NUTM1: variants seen among roughly 807,000 people sequenced by gnomAD.
NUTM1 encodes NUT midline carcinoma family member 1.
NUTM1 carries 39 observed loss-of-function variants against 88.7 expected under a neutral mutation model. The ratio of observed to expected loss-of-function variants is 0.44; its 90% CI spans 0.34 to 0.57. The LOEUF is 0.57. NUTM1 is among the 20% of genes least tolerant of loss of function. The probability of loss-of-function intolerance (pLI) is 0.01; values close to 1 mark genes in which losing one functional copy is unlikely to be tolerated. For synonymous variants in NUTM1, 494 were observed against 538.0 expected, an observed-to-expected ratio of 0.92 and a Z score of 1.13; for missense variants, 1,350 against 1,414.5, an observed-to-expected ratio of 0.95 and a Z score of 0.73.
At position 34,347,282 on chromosome 15, in the gene NUTM1, G is replaced by C. The variant is rs553768000; in HGVS notation, c.101-687G>C. 2.2e-3 allele frequency among the ~76,000 whole-genome samples: 327 copies of C among 149,356 alleles called. 1 individual carries two copies. The highest frequency in any genetic ancestry group is 8.0e-3 in the African/African-American group (325 of 40,830). On this transcript the variant is annotated intron_variant, in intron 2 of 7. Coordinates refer to ENST00000537011, the MANE Select transcript of NUTM1 (RefSeq NM_001284292.2). ...TTTTTCTTTTTTTTTTTTTGAGACA[G>C]AGTTTTCCTTTGTCACCGAGGCTGG...
chr15:34,357,734 GCT>G, exon 8 of NUTM1: 1 of 656,146 alleles, frequency 1.5e-6, no homozygotes, highest in South Asian at 1.6e-5. Context: ...GTTGGAAAAT[GCT>G]CTCAGAGTGC....
intron 1 of NUTM1, 92 bp from the exon 2 acceptor site, chr15:34,345,850 A>C (rs1890575276): frequency 2.0e-6 from 3 of 1,512,086 alleles, no homozygotes; most frequent in African/African-American, 1.4e-5. Context: ...CCCCTCCCCC[A>C]CAGCAGAATG....
In NUTM1 at chr15:34,353,846, T is replaced by C. The variant is rs754609722; in HGVS notation, c.1049T>C (p.Leu350Pro). Residue 350 changes from leucine to proline, a missense_variant, in exon 5 of 8, where the codon CTG becomes CCG. By Grantham distance (98) the Leu-to-Pro change is moderately conservative. Transcript: ENST00000537011. ...TPLKLDPLGP[L>P]ASEVCQQPVY... Reference sequence around the variant, plus strand: ...TTGAAACTTGATCCTCTAGGGCCCCTGGCCTCTGAGGTTTGCCAGCAGCCA... The same window carrying C: ...TTGAAACTTGATCCTCTAGGGCCCCCGGCCTCTGAGGTTTGCCAGCAGCCA... The C allele has an allele frequency of 1.9e-6, 3 of 1,613,544 alleles. No individual in the cohort carries two copies. Among genetic ancestry groups the C allele is most frequent in the Non-Finnish European group, 2.5e-6 (3 of 1,179,820 alleles).
At position 34,356,996 on chromosome 15, in the gene NUTM1, G is replaced by A; in HGVS notation, c.2988G>A (p.Gln996=). 6.2e-7 allele frequency: 1 copy of A among 1,613,904 alleles called. No individual in the cohort carries two copies. The highest frequency in any genetic ancestry group is 8.5e-7 in the Non-Finnish European group (1 of 1,179,990). Residue 996 remains glutamine, a synonymous_variant, in exon 8 of 8, where the codon CAG becomes CAA. Coordinates refer to ENST00000537011, the MANE Select transcript of NUTM1 (RefSeq NM_001284292.2). ...CTCCCAAAGCAACATCTTCTCACCA[G>A]GGCCTTGGAAGCACTTTGCCTAGAA... ...TGTPKATSSH[Q]GLGSTLPRRG...
chr15:34,343,804 A>G (rs1159344940), intron 1 of NUTM1, 102 bp downstream of exon 1: 1 of 1,050,582 alleles, frequency 9.5e-7, no homozygotes, highest in Non-Finnish European at 1.4e-6. Context: ...GTTTAAAGAA[A>G]TGAAAATGAG....
Position 34,354,428 on chromosome 15 carries a change from G to A in NUTM1, c.1076-18G>A, listed in dbSNP as rs1890761412. ...TTTCTGTGCTACTTCCCATTCTCCT[G>A]TCCATCTCTTCCCTTAGTGTACATT... On this transcript the variant is annotated intron_variant, in intron 5 of 7. Coordinates refer to ENST00000537011, the MANE Select transcript of NUTM1 (RefSeq NM_001284292.2). 2 of 1,612,574 alleles carry A rather than the reference G, an allele frequency of 1.2e-6. No individual in the cohort carries two copies. Among genetic ancestry groups the A allele is most frequent in the South Asian group, 1.1e-5 (1 of 91,008 alleles).
At chr15:34,352,788 AGAGT>A in intron 4 of NUTM1, among the ~76,000 whole-genome samples, 1 of 150,064 alleles carries the variant, frequency 6.7e-6, no homozygotes, top group Non-Finnish European at 1.5e-5. Flanking sequence ...CCTGGGCGAC[AGAGT>A]GAGACTCTGT....
chr15:34,350,976 T>C, intron 4 of NUTM1, 144 bp downstream of exon 4: 1 of 1,038,384 alleles, frequency 9.6e-7, no homozygotes, highest in Non-Finnish European at 1.4e-6. Context: ...CCCACCACTT[T>C]GGGAGGCCAA....
intron 5 of NUTM1, 135 bp downstream of exon 5, chr15:34,354,007 A>G: frequency 1.0e-6 from 1 of 974,998 alleles, no homozygotes; most frequent in Non-Finnish European, 1.5e-6. Context: ...TTGATATTCC[A>G]AACAGACCAC....
rs1158940874 is a variant in NUTM1, at chr15:34,350,684, T to C, written c.810-20T>C. The stretch of plus-strand genomic sequence containing the variant: ...TGGGAGCACACTTTTAGAATGTGAC[T>C]GACTCAATGGGGGTTTTAGCCCAGT... On this transcript the variant is annotated intron_variant, in intron 3 of 7. Transcript: ENST00000537011. 6.2e-7 allele frequency: 1 copy of C among 1,607,940 alleles called. No homozygotes were observed. Among genetic ancestry groups the C allele is most frequent in the Admixed American group, 1.7e-5 (1 of 58,636 alleles).
Position 34,355,401 on chromosome 15 carries a change from C to A in NUTM1, c.1480-87C>A. The stretch of plus-strand genomic sequence containing the variant: ...TTAAACTACTTGCTTGCCTTCCTTG[C>A]CCTGCCCAAATACCGTCTTGTGCCA... On this transcript the variant is annotated intron_variant, in intron 7 of 7. Coordinates refer to ENST00000537011, the MANE Select transcript of NUTM1 (RefSeq NM_001284292.2). The surrounding 1 kb of genome is among the most constrained non-coding windows in gnomAD (Gnocchi z 4.3). The A allele has an allele frequency of 7.2e-7, 1 of 1,383,034 alleles. No individual in the cohort carries two copies. The highest frequency in any genetic ancestry group is 1.0e-6 in the Non-Finnish European group (1 of 984,896). 85.7% of individuals were successfully genotyped at this position (1,383,034 alleles called of 1,614,324 possible).
rs576883932 is a variant in NUTM1, at chr15:34,353,530, G to A, written c.939-206G>A. On this transcript the variant is annotated intron_variant, in intron 4 of 7. Coordinates refer to ENST00000537011, the MANE Select transcript of NUTM1 (RefSeq NM_001284292.2). ...TTAAGCTTCCTAAGTTATGACTATA[G>A]GGGAAGGAACTATGTGCTGAGCTCC... 5.9e-5 allele frequency among the ~76,000 whole-genome samples: 9 copies of A among 152,210 alleles called. No individual in the cohort carries two copies. In the South Asian group the frequency reaches 1.9e-3, roughly 32 times the overall value.
Position 34,353,726 on chromosome 15 carries a change from C to G in NUTM1, c.939-10C>G, listed in dbSNP as rs1490790737. On this transcript the variant is annotated splice_polypyrimidine_tract_variant and intron_variant, in intron 4 of 7. Transcript: ENST00000537011. ...CTCAGCATTGCCTATGCCTTTCTCA[C>G]CCTCTGCAGGTTCATGGAGTTTGAG... The G allele has an allele frequency of 1.9e-6, 3 of 1,614,050 alleles. No homozygotes were observed. In the Admixed American group the frequency reaches 5.0e-5, roughly 27 times the overall value.
rs761792297 is a variant in NUTM1, at chr15:34,347,960, T to C, written c.101-9T>C. ...CTACTCCATTTCTTCTTTTTCTTTG[T>C]CTCAACAGCATCTGCATTGCCGGGA... On this transcript the variant is annotated splice_polypyrimidine_tract_variant and intron_variant, in intron 2 of 7. Coordinates refer to ENST00000537011, the MANE Select transcript of NUTM1 (RefSeq NM_001284292.2). The C allele has an allele frequency of 6.4e-7, 1 of 1,570,508 alleles. No homozygotes were observed. The highest frequency in any genetic ancestry group is 8.7e-7 in the Non-Finnish European group (1 of 1,149,014).
Position 34,357,196 on chromosome 15 carries a change from A to G in NUTM1, c.3188A>G (p.His1063Arg). 1.2e-6 allele frequency: 2 copies of G among 1,614,188 alleles called. No homozygotes were observed. The highest frequency in any genetic ancestry group is 8.5e-7 in the Non-Finnish European group (1 of 1,180,028). ...ASKLSLSPRE[H>R]PLSPHHASGG... ...AAACTTAGCCTCTCACCAAGGGAGC[A>G]TCCCCTCAGTCCTCACCATGCCTCA... Residue 1063 changes from histidine (H) to arginine (R), a missense_variant, in exon 8 of 8, where the codon CAT becomes CGT. By Grantham distance (29) the His-to-Arg change is conservative. Transcript: ENST00000537011.
Position 34,356,465 on chromosome 15 carries a change from A to T in NUTM1, c.2457A>T (p.Thr819=). Residue 819 remains threonine (T), a synonymous_variant, in exon 8 of 8, where the codon ACA becomes ACT. Transcript: ENST00000537011. ...GCAGTGTGATTCCCTGTGGAGGCAC[A>T]GTTGCGGCAGCTGCCCTAGAAAAGA... ...TESSVIPCGG[T]VAAAALEKRN... is the part of the protein sequence containing the mutation. 6.2e-7 allele frequency: 1 copy of T among 1,612,876 alleles called. No homozygotes were observed. Among genetic ancestry groups the T allele is most frequent in the Non-Finnish European group, 8.5e-7 (1 of 1,179,256 alleles).
At position 34,355,901 on chromosome 15, in the gene NUTM1, C is replaced by T. The variant is rs781457277; in HGVS notation, c.1893C>T (p.Gly631=). The change falls in exon 8 of 8, where the codon GGC becomes GGT. Residue 631 remains glycine (G), a synonymous_variant. Coordinates refer to ENST00000537011, the MANE Select transcript of NUTM1 (RefSeq NM_001284292.2). This position sits in a 1 kb window ranked among gnomAD's most constrained non-coding sequence, Gnocchi z 4.3. ...VSLHQDGHLG[G]AGPPGHCLVA... ...TACATCAGGATGGCCATCTAGGAGG[C>T]GCTGGGCCTCCTGGGCACTGCCTGG... is the stretch of plus-strand genomic sequence containing the variant. 1.1e-5 allele frequency: 17 copies of T among 1,613,776 alleles called. No homozygotes were observed. The highest frequency in any genetic ancestry group is 1.3e-5 in the African/African-American group (1 of 74,906).
At position 34,356,515 on chromosome 15, in the gene NUTM1, C is replaced by T. The variant is rs751457422; in HGVS notation, c.2507C>T (p.Pro836Leu). Residue 836 changes from proline (P) to leucine (L), a missense_variant, in exon 8 of 8, where the codon CCT becomes CTT. This residue lies in a region of NUTM1 where 730 missense variants were observed against 728.8 expected (regional missense o/e 1.00). Coordinates refer to ENST00000537011, the MANE Select transcript of NUTM1 (RefSeq NM_001284292.2). ...EKRNYCSLPG[P>L]LRANSPPLRS... The stretch of plus-strand genomic sequence containing the variant: ...AGAAACTATTGCAGCTTGCCAGGAC[C>T]TTTGAGGGCCAACAGCCCACCCTTG... The T allele has an allele frequency of 1.1e-5, 18 of 1,613,988 alleles. No homozygotes were observed. The highest frequency in any genetic ancestry group is 1.4e-5 in the Non-Finnish European group (16 of 1,179,962).
chr15:34,352,625 C>T (rs1313226900), intron 4 of NUTM1, among the ~76,000 whole-genome samples: 3 of 139,358 alleles, frequency 2.2e-5, no homozygotes, highest in South Asian at 2.4e-4. Context: ...GGTGAAACCC[C>T]GTCTCTACTA....
Sources: gnomAD v4.1 joint callset for allele counts (sites outside exome capture counted in the v4.1 genomes callset) on GRCh38, gnomAD v4.1.1 for gene constraint, gnomAD v4.1.1 regional missense constraint, Gnocchi (gnomAD v3.1) non-coding constraint, MANE v1.5 for transcripts, NCBI Gene and HGNC (gene_info 2026-07-23, HGNC 2026-07-21) for gene names.